Variants in HS6ST3 observed in about 807,000 individuals in gnomAD.
HS6ST3 encodes the protein heparan sulfate 6-O-sulfotransferase 3.
In HS6ST3, 12 loss-of-function variants were observed where a neutral mutation model predicts 36.7. That is an observed-to-expected ratio of 0.33 (90% CI 0.21 to 0.53). The LOEUF is 0.53. Among genes scored for constraint, HS6ST3 ranks in the 20% least tolerant of loss-of-function variants. HS6ST3 has a pLI of 0.95. For missense variants in HS6ST3, 584 were observed against 640.9 expected, an observed-to-expected ratio of 0.91 and a Z score of 0.96; for synonymous variants, 240 against 257.5, an observed-to-expected ratio of 0.93 and a Z score of 0.65.
At chr13:96,616,974 G>A (rs1016675026) in intron 1 of HS6ST3, among the ~76,000 whole-genome samples, 1 of 152,166 alleles carries the variant, frequency 6.6e-6, no homozygotes, top group Non-Finnish European at 1.5e-5. Context: ...TCTTCTTTCC[G>A]TAAATGTGTT....
chr13:96,277,243 C>A (rs761605832), intron 1 of HS6ST3, among the ~76,000 whole-genome samples: 1 of 152,182 alleles, frequency 6.6e-6, no homozygotes, highest in Non-Finnish European at 1.5e-5. Flanking sequence ...CCTTGAATAG[C>A]ACAGTCTTCA....
At chr13:96,165,244 T>G (rs1224369241) in intron 1 of HS6ST3, among the ~76,000 whole-genome samples, 2 of 152,236 alleles carry the variant, frequency 1.3e-5, no homozygotes, top group African/African-American at 4.8e-5. Flanking sequence ...TAGGATTGTC[T>G]GGAGGCCTCA....
At chr13:96,153,953 C>A (rs1236222406) in intron 1 of HS6ST3, among the ~76,000 whole-genome samples, 11 of 152,314 alleles carry the variant, frequency 7.2e-5, no homozygotes, top group South Asian at 2.1e-4. Flanking sequence ...CACCCCATTG[C>A]TAGCTGATTG....
chr13:96,569,672 G>A (rs1020687317), intron 1 of HS6ST3, among the ~76,000 whole-genome samples: 6 of 152,010 alleles, frequency 3.9e-5, no homozygotes, highest in Admixed American at 2.6e-4. Context: ...TAAGATCTGG[G>A]AAAACAAATA....
At chr13:96,523,528 A>T (rs2056102044) in intron 1 of HS6ST3, among the ~76,000 whole-genome samples, 1 of 151,866 alleles carries the variant, frequency 6.6e-6, no homozygotes, top group South Asian at 2.1e-4. Flanking sequence ...TGGTCTTTTC[A>T]CGTAGTCCCA....
At chr13:96,790,024 A>G (rs1360000567) in intron 1 of HS6ST3, among the ~76,000 whole-genome samples, 1 of 151,602 alleles carries the variant, frequency 6.6e-6, no homozygotes, top group Non-Finnish European at 1.5e-5. Context: ...TTTTCCTTTC[A>G]TTTTGGGATT....
chr13:96,790,176 G>A (rs778266757), intron 1 of HS6ST3, among the ~76,000 whole-genome samples: 50 of 151,338 alleles, frequency 3.3e-4, no homozygotes, highest in African/African-American at 1.1e-3. Flanking sequence ...TGCCATCTGC[G>A]CTCTGCTATT....
At chr13:96,617,134 C>A (rs2056477456) in intron 1 of HS6ST3, among the ~76,000 whole-genome samples, 1 of 152,110 alleles carries the variant, frequency 6.6e-6, no homozygotes, top group South Asian at 2.1e-4. Flanking sequence ...CACTGAATAG[C>A]CTTTCTCTAA....
intron 1 of HS6ST3, among the ~76,000 whole-genome samples, chr13:96,596,715 C>T (rs2056402927): frequency 6.6e-6 from 1 of 151,996 alleles, no homozygotes; most frequent in Non-Finnish European, 1.5e-5. Context: ...GAAAAAGAAA[C>T]ATTTATATAC....
At chr13:96,805,932 T>C (rs1416946122) in intron 1 of HS6ST3, among the ~76,000 whole-genome samples, 1 of 152,206 alleles carries the variant, frequency 6.6e-6, no homozygotes, top group East Asian at 1.9e-4. Context: ...GTTTCATGAA[T>C]GCAGGACTCT....
chr13:96,641,919 A>G (rs2139007186), intron 1 of HS6ST3, among the ~76,000 whole-genome samples: 1 of 151,990 alleles, frequency 6.6e-6, no homozygotes, highest in East Asian at 1.9e-4. Flanking sequence ...CAAAGGGATT[A>G]GCAACAAACA....
At chr13:96,670,592 A>G (rs1484904057) in intron 1 of HS6ST3, among the ~76,000 whole-genome samples, 1 of 152,192 alleles carries the variant, frequency 6.6e-6, no homozygotes, top group Non-Finnish European at 1.5e-5. Flanking sequence ...TATTGATCCT[A>G]GATTCATCCA....
intron 1 of HS6ST3, among the ~76,000 whole-genome samples, chr13:96,568,750 A>G (rs1445187012): frequency 6.6e-6 from 1 of 152,164 alleles, no homozygotes; most frequent in Non-Finnish European, 1.5e-5. Flanking sequence ...AGCTATGATC[A>G]TGTTTTGGTG....
intron 1 of HS6ST3, among the ~76,000 whole-genome samples, chr13:96,254,410 T>A (rs2054621867): frequency 1.3e-5 from 1 of 75,558 alleles, no homozygotes; most frequent in Non-Finnish European, 2.3e-5. Context: ...TGAGACTCTG[T>A]CTCAGAAAAA....
chr13:96,159,454 A>G (rs557742296), intron 1 of HS6ST3, among the ~76,000 whole-genome samples: 2 of 152,330 alleles, frequency 1.3e-5, no homozygotes, highest in Admixed American at 1.3e-4. Flanking sequence ...GCTGTCACAC[A>G]TGCCAATCTG....
chr13:96,611,053 C>G (rs907931319), intron 1 of HS6ST3, among the ~76,000 whole-genome samples: 1 of 150,752 alleles, frequency 6.6e-6, no homozygotes, highest in African/African-American at 2.4e-5. Flanking sequence ...TCAGTGTTAC[C>G]TTTCTTTTCA....
intron 1 of HS6ST3, among the ~76,000 whole-genome samples, chr13:96,616,973 C>G (rs1341496437): frequency 2.6e-5 from 4 of 152,112 alleles, no homozygotes; most frequent in Non-Finnish European, 4.4e-5. Flanking sequence ...CTCTTCTTTC[C>G]GTAAATGTGT....
intron 1 of HS6ST3, among the ~76,000 whole-genome samples, chr13:96,180,050 G>A (rs2054232146): frequency 1.3e-5 from 2 of 152,096 alleles, no homozygotes; most frequent in Admixed American, 1.3e-4. Context: ...GGCCAGGCTG[G>A]TCTCAAACTC....
At chr13:96,304,717 T>TCTTTCTTTCTTTCTTTCTTTCTTTC (rs1345849945) in intron 1 of HS6ST3, among the ~76,000 whole-genome samples, 1 of 134,380 alleles carries the variant, frequency 7.4e-6, no homozygotes. Flanking sequence ...CTTTCTTTTT[T>TCTTTCTTTCTTTCTTTCTTTCTTTC]TTTTTTTTTT....
Sources: gnomAD v4.1 joint callset for allele counts (sites outside exome capture counted in the v4.1 genomes callset) on GRCh38, gnomAD v4.1.1 for gene constraint, MANE v1.5 for transcripts, NCBI Gene and HGNC (gene_info 2026-07-23, HGNC 2026-07-21) for gene names.